Variants in ZSCAN22 observed in about 807,000 individuals in gnomAD.
ZSCAN22 encodes the protein zinc finger and SCAN domain-containing protein 22.
ZSCAN22 carries 7 observed loss-of-function variants against 12.4 expected under a neutral mutation model. The ratio of observed to expected loss-of-function variants is 0.57; its 90% confidence interval spans 0.32 to 1.06. The LOEUF (loss-of-function observed/expected upper bound fraction) is 1.06. Ranked by LOEUF, ZSCAN22 falls within the 50% of genes least tolerant of loss-of-function variation. The pLI is 0.04. For synonymous variants in ZSCAN22, 243 were observed against 255.9 expected (o/e 0.95, Z 0.48); for missense variants, 576 against 631.7 (o/e 0.91, Z 0.94).
In ZSCAN22 at chr19:58,335,117, C is replaced by G. The variant is rs1397490554; in HGVS notation, c.315C>G (p.Ile105Met). 6 of 1,614,110 alleles carry G rather than the reference C, an allele frequency of 3.7e-6. No homozygotes were observed. Among genetic ancestry groups the G allele is most frequent in the Non-Finnish European group, 5.1e-6 (6 of 1,180,020 alleles). Residue 105 changes from isoleucine (I) to methionine (M), a missense_variant, in exon 2 of 3, where the codon ATC becomes ATG. Transcript: ENST00000329665. This position sits in a 1 kb window ranked among gnomAD's most constrained non-coding sequence, Gnocchi z 4.1. ...EQFLGALPPE[I>M]QAWVGAQSPK... Reference sequence around the variant, plus strand: ...TCCTGGGTGCGCTGCCCCCAGAGATCCAAGCCTGGGTGGGAGCCCAGAGTC... The same window carrying G: ...TCCTGGGTGCGCTGCCCCCAGAGATGCAAGCCTGGGTGGGAGCCCAGAGTC...
chr19:58,334,544 G>T (rs1446208472), intron 1 of ZSCAN22: 5 of 382,818 alleles, frequency 1.3e-5, no homozygotes, highest in Admixed American at 4.2e-5. Context: ...GGTGTTTGTT[G>T]TAAGTTTTAA....
At position 58,340,480 on chromosome 19, in the gene ZSCAN22, CTTTT is replaced by C. The variant is rs779224811; in HGVS notation, c.*1164_*1167del. 4 of 141,662 alleles carry C rather than the reference CTTTT, an allele frequency of 2.8e-5. No homozygotes were observed. Among genetic ancestry groups the C allele is most frequent in the Middle Eastern group, 3.4e-3 (1 of 290 alleles). The allele number at this position is 141,662 out of a possible 1,614,324, so 8.8% of individuals were successfully genotyped here. A position where few individuals can be genotyped will look rare whatever the true frequency, so the allele number is the denominator to read the frequency against. On this transcript the variant is annotated 3_prime_UTR_variant, in exon 3 of 3. Coordinates refer to ENST00000329665, the MANE Select transcript of ZSCAN22 (RefSeq NM_181846.3). Reference sequence around the variant, plus strand: ...CTTCTTTTTCTTTTTCTTTTCTTTTCTTTTTTTTTTTTTGAGATGGAGTCTCGCT... The same window carrying C: ...CTTCTTTTTCTTTTTCTTTTCTTTTCTTTTTTTTTGAGATGGAGTCTCGCT...
chr19:58,334,657 C>T (rs991342765), intron 1 of ZSCAN22, 95 bp from the exon 2 acceptor site: 4 of 906,968 alleles, frequency 4.4e-6, no homozygotes, highest in South Asian at 3.6e-5. Context: ...GAGTCTTTCA[C>T]ATCTCACGGG....
At chr19:58,331,285 C>T (rs1440772437) in intron 1 of ZSCAN22, among the ~76,000 whole-genome samples, 1 of 148,696 alleles carries the variant, frequency 6.7e-6, no homozygotes, top group Non-Finnish European at 1.5e-5. Flanking sequence ...GGCACAATCT[C>T]TGCTCACTGC....
Position 58,341,131 on chromosome 19 carries a change from C to T in ZSCAN22, c.*1805C>T, listed in dbSNP as rs1276266824. The T allele has an allele frequency of 6.6e-6, 1 of 152,124 alleles. No homozygotes were observed. The highest frequency in any genetic ancestry group is 2.4e-5 in the African/African-American group (1 of 41,418). The allele number at this position is 152,124 out of a possible 1,614,324, so 9.4% of individuals were successfully genotyped here. A position where few individuals can be genotyped will look rare whatever the true frequency, so the allele number is the denominator to read the frequency against. ...TTATGTATGTTTACATGGATGTCTC[C>T]CCAGCAGCTTGAACCCTGGAGAGCA... On this transcript the variant is annotated 3_prime_UTR_variant, in exon 3 of 3. Coordinates refer to ENST00000329665, the MANE Select transcript of ZSCAN22 (RefSeq NM_181846.3).
At position 58,341,872 on chromosome 19, in the gene ZSCAN22, TG is replaced by T. The variant is rs1186365722; in HGVS notation, c.*2547del. 2.6e-5 allele frequency: 4 copies of T among 152,336 alleles called. No homozygotes were observed. In the East Asian group the frequency reaches 7.7e-4, roughly 29 times the overall value. The allele number at this position is 152,336 out of a possible 1,614,324, so 9.4% of individuals were successfully genotyped here. A position where few individuals can be genotyped will look rare whatever the true frequency, so the allele number is the denominator to read the frequency against. On this transcript the variant is annotated 3_prime_UTR_variant, in exon 3 of 3. Transcript: ENST00000329665. Reference sequence around the variant, plus strand: ...GATAAGTGACTTTCCTGAACCTCCATGACCTCCTCATATGTAAACCAGGGAC... The same window carrying T: ...GATAAGTGACTTTCCTGAACCTCCATACCTCCTCATATGTAAACCAGGGAC...
chr19:58,329,685 T>C lies in ZSCAN22; in HGVS notation c.-52+2571T>C, dbSNP rs1226113077. Among the ~76,000 whole-genome samples, 1 of 152,240 alleles carries C rather than the reference T, an allele frequency of 6.6e-6. No homozygotes were observed. The highest frequency in any genetic ancestry group is 2.4e-5 in the African/African-American group (1 of 41,468). On this transcript the variant is annotated intron_variant, in intron 1 of 2. Transcript: ENST00000329665. The surrounding 1 kb of genome is among the most constrained non-coding windows in gnomAD (Gnocchi z 4.1). ...CATTAATATAGCTTTTATTACAGTG[T>C]ATTGTTATAATTGTTCTATTTTATT...
Position 58,327,327 on chromosome 19 carries a change from G to A in ZSCAN22, c.-52+213G>A, listed in dbSNP as rs183112877. 3.7e-3 allele frequency among the ~76,000 whole-genome samples: 560 copies of A among 152,156 alleles called. 3 individuals carry two copies. The highest frequency in any genetic ancestry group is 0.013 in the African/African-American group (542 of 41,496). ...ACGGACTGACGGACCAGGCGTGGACGGACCGTGTGTGCACGGACTGACGGA... is the reference window on the plus strand; with the variant it reads ...ACGGACTGACGGACCAGGCGTGGACAGACCGTGTGTGCACGGACTGACGGA... On this transcript the variant is annotated intron_variant, in intron 1 of 2. Transcript: ENST00000329665.
chr19:58,338,897 G>T lies in ZSCAN22; in HGVS notation c.1047G>T (p.Glu349Asp), dbSNP rs199780230. The T allele has an allele frequency of 2.0e-5, 32 of 1,614,028 alleles. No individual in the cohort carries two copies. Among genetic ancestry groups the T allele is most frequent in the Admixed American group, 3.3e-5 (2 of 60,004 alleles). The change falls in exon 3 of 3, where the codon GAG (glutamate) becomes GAT (aspartate). Residue 349 changes from glutamate (E) to aspartate (D), a missense_variant. Glu to Asp is a conservative substitution (Grantham distance 45, BLOSUM62 2). Coordinates refer to ENST00000329665, the MANE Select transcript of ZSCAN22 (RefSeq NM_181846.3). This position sits in a 1 kb window ranked among gnomAD's most constrained non-coding sequence, Gnocchi z 5.4. Reference sequence around the variant, plus strand: ...AGCACCAAAGGATTCATACTGGAGAGAAACCCTACAAATGTGGGGAATGTG... The same window carrying T: ...AGCACCAAAGGATTCATACTGGAGATAAACCCTACAAATGTGGGGAATGTG... ...LTQHQRIHTG[E>D]KPYKCGECGK... is the part of the protein sequence containing the mutation.
Position 58,338,870 on chromosome 19 carries a change from TCAG to T in ZSCAN22, c.1023_1025del (p.Gln341del). 1 of 1,613,516 alleles carries T rather than the reference TCAG, an allele frequency of 6.2e-7. No homozygotes were observed. Among genetic ancestry groups the T allele is most frequent in the Non-Finnish European group, 8.5e-7 (1 of 1,179,808 alleles). On this transcript the variant is annotated inframe_deletion, in exon 3 of 3. Coordinates refer to ENST00000329665, the MANE Select transcript of ZSCAN22 (RefSeq NM_181846.3). This position sits in a 1 kb window ranked among gnomAD's most constrained non-coding sequence, Gnocchi z 5.4. ...CCTTCAGCCGAGTCACCCACCTGACTCAGCACCAAAGGATTCATACTGGAGAGA... is the reference window on the plus strand; with the variant it reads ...CCTTCAGCCGAGTCACCCACCTGACTCACCAAAGGATTCATACTGGAGAGA...
At chr19:58,337,457 G>A (rs553667082) in intron 2 of ZSCAN22, among the ~76,000 whole-genome samples, 5 of 93,542 alleles carry the variant, frequency 5.3e-5, no homozygotes, top group East Asian at 6.6e-4. Flanking sequence ...GCAAGGTGTC[G>A]AGTGTGAGGG....
At position 58,340,458 on chromosome 19, in the gene ZSCAN22, CT is replaced by C; in HGVS notation, c.*1137del. 6.5e-6 allele frequency: 1 copy of C among 154,642 alleles called. No homozygotes were observed. Among genetic ancestry groups the C allele is most frequent in the Non-Finnish European group, 1.4e-5 (1 of 72,376 alleles). 9.6% of individuals were successfully genotyped at this position (154,642 alleles called of 1,614,324 possible). ...TACCTGTGCCTGGAACCCTCCTCTT[CT>C]TTTTCTTTTTCTTTTCTTTTCTTTT... On this transcript the variant is annotated 3_prime_UTR_variant, in exon 3 of 3. Transcript: ENST00000329665.
At chr19:58,327,800 G>A (rs1183950690) in intron 1 of ZSCAN22, among the ~76,000 whole-genome samples, 1 of 152,184 alleles carries the variant, frequency 6.6e-6, no homozygotes, top group African/African-American at 2.4e-5. Context: ...TGGTGACTAA[G>A]ATTATGAATG....
intron 1 of ZSCAN22, 119 bp from the exon 2 acceptor site, chr19:58,334,633 C>A: frequency 1.4e-6 from 1 of 731,642 alleles, no homozygotes; most frequent in Non-Finnish European, 2.2e-6. Context: ...TGAGGATTGT[C>A]TATGTCTTTG....
At chr19:58,330,408 C>T (rs2051709442) in intron 1 of ZSCAN22, among the ~76,000 whole-genome samples, 1 of 152,232 alleles carries the variant, frequency 6.6e-6, no homozygotes, top group Non-Finnish European at 1.5e-5. Context: ...GCAGAGAGCA[C>T]AGTCATTTTA....
At chr19:58,327,237 G>C (rs2051662648) in intron 1 of ZSCAN22, 123 bp downstream of exon 1, 2 of 152,602 alleles carry the variant, frequency 1.3e-5, no homozygotes, top group Admixed American at 1.3e-4. Context: ...GGTAGAGAGT[G>C]AGAGGCTGAC....
At chr19:58,333,541 T>G (rs1332124647) in intron 1 of ZSCAN22, among the ~76,000 whole-genome samples, 1 of 150,700 alleles carries the variant, frequency 6.6e-6, no homozygotes, top group Non-Finnish European at 1.5e-5. Flanking sequence ...AGCAGGAGAG[T>G]TTTAAATAAA....
At position 58,338,220 on chromosome 19, in the gene ZSCAN22, A is replaced by G; in HGVS notation, c.404-34A>G. Reference sequence around the variant, plus strand: ...CAGAGTAGGGGAGGCTTGGTGTGGTAGGAGGAGTGACAGTGTGGTTCGGAC... The same window carrying G: ...CAGAGTAGGGGAGGCTTGGTGTGGTGGGAGGAGTGACAGTGTGGTTCGGAC... On this transcript the variant is annotated intron_variant, in intron 2 of 2. Transcript: ENST00000329665. This position sits in a 1 kb window ranked among gnomAD's most constrained non-coding sequence, Gnocchi z 5.4. 6 of 1,553,136 alleles carry G rather than the reference A, an allele frequency of 3.9e-6. No individual in the cohort carries two copies. The highest frequency in any genetic ancestry group is 5.3e-6 in the Non-Finnish European group (6 of 1,141,950).
rs754413333 is a variant in ZSCAN22, at chr19:58,338,410, C to A, written c.560C>A (p.Ser187Tyr). The part of the protein sequence containing the change: ...ACEPEGSSER[S>Y]GLSGEIWTKS... ...GAACCTGAGGGCAGCTCAGAGAGGT[C>A]TGGACTATCAGGGGAGATCTGGACA... Residue 187 changes from serine to tyrosine, a missense_variant, in exon 3 of 3, where the codon TCT becomes TAT. Coordinates refer to ENST00000329665, the MANE Select transcript of ZSCAN22 (RefSeq NM_181846.3). The surrounding 1 kb of genome is among the most constrained non-coding windows in gnomAD (Gnocchi z 5.4). 1.2e-6 allele frequency: 2 copies of A among 1,614,226 alleles called. No homozygotes were observed. The highest frequency in any genetic ancestry group is 1.7e-6 in the Non-Finnish European group (2 of 1,180,044).
Sources: gnomAD v4.1 joint callset for allele counts (sites outside exome capture counted in the v4.1 genomes callset) on GRCh38, gnomAD v4.1.1 for gene constraint, Gnocchi (gnomAD v3.1) non-coding constraint, MANE v1.5 for transcripts, NCBI Gene and HGNC (gene_info 2026-07-23, HGNC 2026-07-21) for gene names.